ACSF2: variants seen among roughly 807,000 people sequenced by gnomAD.
The protein encoded by ACSF2 is medium-chain acyl-CoA ligase ACSF2, mitochondrial.
Under a neutral mutation model 79.3 loss-of-function variants are expected in ACSF2, and 52 were observed. The observed-to-expected ratio is 0.66, with a 90% CI of 0.53 to 0.83. ACSF2 has a LOEUF of 0.83. ACSF2 is among the 40% of genes least tolerant of loss of function. The pLI is 0.00. For synonymous variants in ACSF2, 283 were observed against 312.6 expected (o/e 0.91, Z 1.00); for missense variants, 661 against 803.3 (o/e 0.82, Z 2.14).
At chr17:50,427,253 G>C (rs1434565695) in intron 1 of ACSF2, among the ~76,000 whole-genome samples, 1 of 152,160 alleles carries the variant, frequency 6.6e-6, no homozygotes, top group Non-Finnish European at 1.5e-5. Flanking sequence ...GAACAAAGCT[G>C]TGTCTCAGAG....
chr17:50,455,926 G>A (rs1725103601), intron 1 of ACSF2, among the ~76,000 whole-genome samples: 1 of 152,134 alleles, frequency 6.6e-6, no homozygotes, highest in African/African-American at 2.4e-5. Context: ...ATCAGCCCCT[G>A]TCGTGACAGA....
In ACSF2 at chr17:50,468,723, T is replaced by C. The variant is rs746384114; in HGVS notation, c.1216-2305T>C. 9.3e-6 allele frequency: 15 copies of C among 1,611,378 alleles called. 1 individual carries two copies. The South Asian group carries it at 1.6e-4, about 18-fold the overall frequency. On this transcript the variant is annotated intron_variant, in intron 10 of 15. Coordinates refer to ENST00000300441, the MANE Select transcript of ACSF2 (RefSeq NM_025149.6). Reference sequence around the variant, plus strand: ...TCGCAGATGACGTGCTGCAGGTCGCTGTGGCAGTGGCAGTTCTGGGGGCAG... The same window carrying C: ...TCGCAGATGACGTGCTGCAGGTCGCCGTGGCAGTGGCAGTTCTGGGGGCAG...
intron 10 of ACSF2, chr17:50,468,678 T>C: frequency 6.2e-7 from 1 of 1,614,000 alleles, no homozygotes; most frequent in Non-Finnish European, 8.5e-7. Context: ...ACCTTGGGGA[T>C]CTTCTGCAGC....
Position 50,462,287 on chromosome 17 carries a change from C to T in ACSF2, c.611C>T (p.Ala204Val), listed in dbSNP as rs764360875. The T allele has an allele frequency of 6.2e-7, 1 of 1,613,966 alleles. No homozygotes were observed. The highest frequency in any genetic ancestry group is 1.1e-5 in the South Asian group (1 of 91,072). ...CPEVENAQPGALKSQRLPDLT... is the reference protein window; with the variant it reads ...CPEVENAQPGVLKSQRLPDLT... ...GAAGTGGAGAATGCCCAGCCAGGGG[C>T]CTTGAAGAGTCAGAGGTGGGTGTGT... Residue 204 changes from alanine to valine, a missense_variant, in exon 5 of 16, where the codon GCC becomes GTC. Ala to Val is a moderately conservative substitution (Grantham distance 64, BLOSUM62 0). Transcript: ENST00000300441.
chr17:50,431,030 T>C (rs1312175001), intron 1 of ACSF2, among the ~76,000 whole-genome samples: 2 of 152,234 alleles, frequency 1.3e-5, no homozygotes, highest in African/African-American at 4.8e-5. Context: ...GGAAGTGTTA[T>C]GGGTGGTAAC....
Position 50,462,188 on chromosome 17 carries a change from G to C in ACSF2, c.512G>C (p.Gly171Ala). 1 of 1,613,824 alleles carries C rather than the reference G, an allele frequency of 6.2e-7. No individual in the cohort carries two copies. Among genetic ancestry groups the C allele is most frequent in the East Asian group, 2.2e-5 (1 of 44,872 alleles). ...TGGGGGACTCCCCTTCCACAGGTGGGCTGCAAGGCCCTTGTGTTCCCCAAG... is the reference window on the plus strand; with the variant it reads ...TGGGGGACTCCCCTTCCACAGGTGGCCTGCAAGGCCCTTGTGTTCCCCAAG... ...MELEYVLKKV[G>A]CKALVFPKQF... Residue 171 changes from glycine (G) to alanine (A), a missense_variant, in exon 5 of 16, where the codon GGC (glycine) becomes GCC (alanine). By Grantham distance (60) the Gly-to-Ala change is moderately conservative. Coordinates refer to ENST00000300441, the MANE Select transcript of ACSF2 (RefSeq NM_025149.6).
rs527571357 is a variant in ACSF2 at position 50,471,368 on chromosome 17, G to A, written c.1323+233G>A. ...GAGCGGCTGCCAGCTGAACTTCTCCGCGGCCTCCCTTCCTGTCTGAGGTGT... is the reference window on the plus strand; with the variant it reads ...GAGCGGCTGCCAGCTGAACTTCTCCACGGCCTCCCTTCCTGTCTGAGGTGT... On this transcript the variant is annotated intron_variant, in intron 11 of 15. Coordinates refer to ENST00000300441, the MANE Select transcript of ACSF2 (RefSeq NM_025149.6). The surrounding 1 kb of genome is among the most constrained non-coding windows in gnomAD (Gnocchi z 4.1). 1.6e-3 allele frequency: 843 copies of A among 532,212 alleles called. 4 individuals carry two copies. The highest frequency in any genetic ancestry group is 2.6e-3 in the Non-Finnish European group (761 of 293,340). 33.0% of individuals were successfully genotyped at this position (532,212 alleles called of 1,614,324 possible). A position where few individuals can be genotyped will look rare whatever the true frequency, so the allele number is the denominator to read the frequency against.
Position 50,463,644 on chromosome 17 carries a change from C to G in ACSF2, c.1046+92C>G. The G allele has an allele frequency of 6.4e-7, 1 of 1,557,536 alleles. No homozygotes were observed. Among genetic ancestry groups the G allele is most frequent in the Non-Finnish European group, 8.7e-7 (1 of 1,146,114 alleles). On this transcript the variant is annotated intron_variant, in intron 8 of 15. Coordinates refer to ENST00000300441, the MANE Select transcript of ACSF2 (RefSeq NM_025149.6). The surrounding 1 kb of genome is among the most constrained non-coding windows in gnomAD (Gnocchi z 4.6). ...GACACCTTTCCAAGCTGCCTCCTCC[C>G]TCCAGCCAGGAGACTGAGGATGGGG...
At position 50,426,404 on chromosome 17, in the gene ACSF2, C is replaced by T. The variant is rs1366991706; in HGVS notation, c.128+15C>T. On this transcript the variant is annotated intron_variant, in intron 1 of 15. Coordinates refer to ENST00000300441, the MANE Select transcript of ACSF2 (RefSeq NM_025149.6). Reference sequence around the variant, plus strand: ...CGCTTCCTCAGGTACTGGCCCCCCGCGGGAAGAGAGGGGGCGGGGCAGTTC... The same window carrying T: ...CGCTTCCTCAGGTACTGGCCCCCCGTGGGAAGAGAGGGGGCGGGGCAGTTC... 7.6e-7 allele frequency: 1 copy of T among 1,313,652 alleles called. No individual in the cohort carries two copies. Among genetic ancestry groups the T allele is most frequent in the South Asian group, 2.4e-5 (1 of 41,320 alleles). 81.4% of individuals were successfully genotyped at this position (1,313,652 alleles called of 1,614,324 possible). A position where few individuals can be genotyped will look rare whatever the true frequency, so the allele number is the denominator to read the frequency against.
chr17:50,452,488 G>A (rs773938293), intron 1 of ACSF2, among the ~76,000 whole-genome samples: 8 of 139,536 alleles, frequency 5.7e-5, no homozygotes, highest in African/African-American at 1.6e-4. Context: ...AAAACAAAAC[G>A]AAAAAATAGA....
At position 50,474,595 on chromosome 17, in the gene ACSF2, C is replaced by T; in HGVS notation, c.*43C>T. 1.3e-6 allele frequency: 2 copies of T among 1,599,522 alleles called. No homozygotes were observed. Among genetic ancestry groups the T allele is most frequent in the Non-Finnish European group, 1.7e-6 (2 of 1,167,156 alleles). ...TCCTGGCCGGTTGGCTTGACTCTCT[C>T]CTGTCAGAATGCAACCTGGCTTTAT... On this transcript the variant is annotated 3_prime_UTR_variant, in exon 16 of 16. Transcript: ENST00000300441. This position sits in a 1 kb window ranked among gnomAD's most constrained non-coding sequence, Gnocchi z 4.2.
intron 4 of ACSF2, among the ~76,000 whole-genome samples, chr17:50,461,909 T>C (rs564520836): frequency 6.7e-6 from 1 of 149,174 alleles, no homozygotes; most frequent in African/African-American, 2.5e-5. Flanking sequence ...GACGGGGGCA[T>C]GTGTGTGTCA....
chr17:50,456,274 T>A (rs760828296), intron 1 of ACSF2, among the ~76,000 whole-genome samples: 16 of 152,170 alleles, frequency 1.1e-4, no homozygotes, highest in Non-Finnish European at 2.1e-4. Context: ...AAGGCTCTTG[T>A]CTGCAGTGTA....
chr17:50,462,464 CG>C lies in ACSF2; in HGVS notation c.675del (p.Thr226ProfsTer62). On this transcript the variant is annotated frameshift_variant, in exon 6 of 16. Transcript: ENST00000300441. LOFTEE classifies it high-confidence loss of function. ...TTVISVDAPL[P>X]GTLLLDEVVA... The stretch of plus-strand genomic sequence containing the variant: ...GTCATCTCGGTGGATGCCCCTTTGC[CG>C]GGGACCCTGCTCCTGGATGAAGTGG... The C allele has an allele frequency of 6.2e-7, 1 of 1,605,336 alleles. No homozygotes were observed. Among genetic ancestry groups the C allele is most frequent in the Non-Finnish European group, 8.5e-7 (1 of 1,176,502 alleles).
chr17:50,465,245 C>T (rs1485140849), intron 10 of ACSF2: 1 of 1,608,852 alleles, frequency 6.2e-7, no homozygotes, highest in Non-Finnish European at 8.5e-7. Context: ...AGCTCACTTG[C>T]TGGAATCACC....
rs1398583853 is a variant in ACSF2, at chr17:50,474,218, C to T, written c.1748C>T (p.Pro583Leu). The T allele has an allele frequency of 8.1e-6, 13 of 1,614,212 alleles. No individual in the cohort carries two copies. Among genetic ancestry groups the T allele is most frequent in the Admixed American group, 1.7e-5 (1 of 60,032 alleles). ...CTGCAGATCTCTCACTTCAAGATTC[C>T]GAAGTACATCGTGTTTGTCACAAAC... Reference protein sequence around the residue: ...CKGKISHFKIPKYIVFVTNYP... With the variant: ...CKGKISHFKILKYIVFVTNYP... Residue 583 changes from proline to leucine, a missense_variant, in exon 15 of 16, where the codon CCG becomes CTG. By Grantham distance (98) the Pro-to-Leu change is moderately conservative (BLOSUM62 -3). Coordinates refer to ENST00000300441, the MANE Select transcript of ACSF2 (RefSeq NM_025149.6). This position sits in a 1 kb window ranked among gnomAD's most constrained non-coding sequence, Gnocchi z 4.2.
intron 1 of ACSF2, among the ~76,000 whole-genome samples, chr17:50,459,580 T>G (rs1414991935): frequency 2.0e-5 from 3 of 152,012 alleles, no homozygotes; most frequent in African/African-American, 7.3e-5. Flanking sequence ...GTGGGGAAAG[T>G]TAAGTGGAGC....
At chr17:50,430,137 G>A (rs910821139) in intron 1 of ACSF2, among the ~76,000 whole-genome samples, 4 of 152,190 alleles carry the variant, frequency 2.6e-5, no homozygotes, top group Non-Finnish European at 4.4e-5. Flanking sequence ...TCAGAGCTGG[G>A]GATCCAGTGA....
intron 1 of ACSF2, among the ~76,000 whole-genome samples, chr17:50,440,435 C>G (rs1171403762): frequency 6.6e-6 from 1 of 152,198 alleles, no homozygotes; most frequent in Non-Finnish European, 1.5e-5. Flanking sequence ...GAACCTCTAC[C>G]CAGCAGGTAA....
Sources: allele counts gnomAD v4.1 joint callset (sites outside exome capture counted in the v4.1 genomes callset), GRCh38; gene constraint gnomAD v4.1.1; non-coding constraint Gnocchi (gnomAD v3.1); transcripts MANE v1.5; gene names NCBI Gene and HGNC (gene_info 2026-07-23, HGNC 2026-07-21).